DCC: variants seen among roughly 807,000 people sequenced by gnomAD.
The protein encoded by DCC is DCC netrin 1 receptor.
Under a neutral mutation model 172.5 loss-of-function variants are expected in DCC, and 58 were observed. That is an observed-to-expected ratio of 0.34 (90% confidence interval 0.27 to 0.42). DCC has a LOEUF of 0.42. Among genes scored for constraint, DCC ranks in the 10% least tolerant of loss-of-function variants. DCC has a pLI of 1.00. For synonymous variants in DCC, 709 were observed against 644.5 expected (o/e 1.10, Z -1.52); for missense variants, 1,740 against 1,791.0 (o/e 0.97, Z 0.51).
At chr18:52,807,667 C>CATTCTAAAAT (rs1386133748) in intron 2 of DCC, among the ~76,000 whole-genome samples, 1 of 125,312 alleles carries the variant, frequency 8.0e-6, no homozygotes. Context: ...TAAAATAAAT[C>CATTCTAAAAT]AATTCCACCA....
At chr18:53,375,675 T>G (rs2058103465) in intron 15 of DCC, among the ~76,000 whole-genome samples, 1 of 149,834 alleles carries the variant, frequency 6.7e-6, no homozygotes, top group South Asian at 2.1e-4. Context: ...GTGTGTTTGG[T>G]TATAAGGTCT....
At chr18:52,811,653 CTTA>C (rs2038202487) in intron 2 of DCC, among the ~76,000 whole-genome samples, 4 of 152,032 alleles carry the variant, frequency 2.6e-5, no homozygotes, top group Admixed American at 2.6e-4. Flanking sequence ...CAGTCATAAT[CTTA>C]TTAAACATAA....
chr18:52,794,448 GT>G (rs1327362931), intron 2 of DCC, among the ~76,000 whole-genome samples: 1 of 151,940 alleles, frequency 6.6e-6, no homozygotes, highest in East Asian at 1.9e-4. Context: ...TTAAAATCTA[GT>G]TTGTTATTGG....
intron 2 of DCC, among the ~76,000 whole-genome samples, chr18:52,794,236 C>A (rs542201204): frequency 6.6e-6 from 1 of 151,994 alleles, no homozygotes; most frequent in Non-Finnish European, 1.5e-5. Context: ...ATCTGTAGTA[C>A]TATGGTGGCA....
At chr18:52,999,968 A>G (rs2041539082) in intron 5 of DCC, among the ~76,000 whole-genome samples, 1 of 152,148 alleles carries the variant, frequency 6.6e-6, no homozygotes, top group Admixed American at 6.6e-5. Context: ...CCATGTGATG[A>G]AAGAAGCAGA....
At chr18:52,814,295 T>C (rs2038251548) in intron 2 of DCC, among the ~76,000 whole-genome samples, 5 of 152,128 alleles carry the variant, frequency 3.3e-5, no homozygotes, top group Admixed American at 3.3e-4. Context: ...GGCCTATACA[T>C]AGAATTTTCT....
intron 9 of DCC, among the ~76,000 whole-genome samples, chr18:53,186,502 C>T (rs112384773): frequency 0.041 from 6,181 of 152,086 alleles, 153 homozygotes; most frequent in African/African-American, 0.067. Flanking sequence ...TTTAGGCAAC[C>T]GCTTTGATGG....
intron 27 of DCC, among the ~76,000 whole-genome samples, chr18:53,511,483 C>G (rs1972048): frequency 6.6e-6 from 1 of 152,212 alleles, no homozygotes; most frequent in Non-Finnish European, 1.5e-5. Context: ...GGAACAGCTC[C>G]GGTCTACAGC....
At chr18:52,682,884 A>G (rs1311618708) in intron 1 of DCC, among the ~76,000 whole-genome samples, 1 of 152,106 alleles carries the variant, frequency 6.6e-6, no homozygotes, top group Non-Finnish European at 1.5e-5. Flanking sequence ...GTGCTAAGTC[A>G]TTGAAGGATT....
rs574653319 is a variant in DCC, at chr18:52,941,787, T to C, written c.985+16417T>C. ...TTTTCTGATGTTTATTTTTTTATTT[T>C]ATTTTTTTCTTTTGAGATGGAGTCT... On this transcript the variant is annotated intron_variant, in intron 5 of 28. Transcript: ENST00000442544. 2.6e-5 allele frequency among the ~76,000 whole-genome samples: 4 copies of C among 152,274 alleles called. No homozygotes were observed. In the South Asian group the frequency reaches 8.3e-4, roughly 32 times the overall value.
intron 1 of DCC, among the ~76,000 whole-genome samples, chr18:52,577,665 C>T (rs879601439): frequency 6.6e-6 from 1 of 152,044 alleles, no homozygotes; most frequent in Non-Finnish European, 1.5e-5. Flanking sequence ...TAATGCAAGG[C>T]TTGTAATTTA....
chr18:52,341,872 G>A (rs1204241811), intron 1 of DCC, among the ~76,000 whole-genome samples: 2 of 137,444 alleles, frequency 1.5e-5, no homozygotes, highest in Non-Finnish European at 1.6e-5. Flanking sequence ...AGAGCGGCTG[G>A]ATGAGCATTC....
At chr18:53,231,863 AT>A (rs1187459964) in intron 12 of DCC, among the ~76,000 whole-genome samples, 1 of 152,098 alleles carries the variant, frequency 6.6e-6, no homozygotes, top group African/African-American at 2.4e-5. Context: ...TGTAATTCTT[AT>A]TTTGCTGACT....
At chr18:53,056,658 T>C (rs1164870382) in intron 5 of DCC, among the ~76,000 whole-genome samples, 1 of 152,126 alleles carries the variant, frequency 6.6e-6, no homozygotes, top group African/African-American at 2.4e-5. Flanking sequence ...AATGGCCTTA[T>C]TATGTCCAGT....
chr18:52,793,733 T>C (rs897706848), intron 2 of DCC, among the ~76,000 whole-genome samples: 4 of 152,202 alleles, frequency 2.6e-5, no homozygotes, highest in Non-Finnish European at 4.4e-5. Flanking sequence ...TCCTGAAGCA[T>C]TTCTCATATT....
intron 21 of DCC, among the ~76,000 whole-genome samples, chr18:53,423,641 C>G (rs141185700): frequency 6.6e-6 from 1 of 152,260 alleles, no homozygotes; most frequent in East Asian, 1.9e-4. Context: ...TCTTACCTTT[C>G]TTGTCTTTTA....
chr18:53,007,061 A>G (rs2041657368), intron 5 of DCC, among the ~76,000 whole-genome samples: 1 of 152,236 alleles, frequency 6.6e-6, no homozygotes, highest in South Asian at 2.1e-4. Context: ...TAAAAAACAA[A>G]TGAACAAACA....
At chr18:53,402,581 T>G (rs545716455) in intron 18 of DCC, among the ~76,000 whole-genome samples, 44 of 152,270 alleles carry the variant, frequency 2.9e-4, no homozygotes, top group Middle Eastern at 3.4e-3. Context: ...AGTCACACCT[T>G]GGGAATCATT....
At chr18:52,712,450 A>G (rs1000366191) in intron 1 of DCC, among the ~76,000 whole-genome samples, 1 of 152,196 alleles carries the variant, frequency 6.6e-6, no homozygotes, top group East Asian at 1.9e-4. Flanking sequence ...TAGCTACTCA[A>G]TCTTTACCAT....
Sources: gnomAD v4.1 joint callset for allele counts (sites outside exome capture counted in the v4.1 genomes callset) on GRCh38, gnomAD v4.1.1 for gene constraint, MANE v1.5 for transcripts, NCBI Gene and HGNC (gene_info 2026-07-23, HGNC 2026-07-21) for gene names.